Variants in GNAQ observed in about 807,000 individuals in gnomAD.
GNAQ encodes guanine nucleotide-binding protein G(q) subunit alpha.
In GNAQ, 8 loss-of-function variants were observed where a neutral mutation model predicts 43.9. That is an observed-to-expected ratio of 0.18 (90% CI 0.11 to 0.33). The LOEUF is 0.33. Among genes scored for constraint, GNAQ ranks in the 10% least tolerant of loss-of-function variants. GNAQ has a pLI of 1.00. For missense variants in GNAQ, 158 were observed against 450.8 expected, an observed-to-expected ratio of 0.35 and a Z score of 5.88; for synonymous variants, 155 against 170.7, an observed-to-expected ratio of 0.91 and a Z score of 0.71.
chr9:77,742,723 A>C (rs944572769), intron 5 of GNAQ, among the ~76,000 whole-genome samples: 26 of 152,218 alleles, frequency 1.7e-4, no homozygotes, highest in Non-Finnish European at 3.2e-4. Flanking sequence ...AACTAACAGA[A>C]ACATACAAAT....
intron 5 of GNAQ, among the ~76,000 whole-genome samples, chr9:77,789,968 A>T (rs1219403098): frequency 6.6e-6 from 1 of 152,186 alleles, no homozygotes; most frequent in East Asian, 1.9e-4. Context: ...GAAGAAAAAA[A>T]AGCCAAAGAA....
At chr9:77,761,834 G>T (rs1459611550) in intron 5 of GNAQ, among the ~76,000 whole-genome samples, 2 of 52,164 alleles carry the variant, frequency 3.8e-5, no homozygotes, top group Non-Finnish European at 4.7e-5. Flanking sequence ...CAGCCGCCCC[G>T]TCCGGGAGGG....
At chr9:77,905,808 T>A (rs1476211783) in intron 2 of GNAQ, among the ~76,000 whole-genome samples, 1 of 152,168 alleles carries the variant, frequency 6.6e-6, no homozygotes, top group Non-Finnish European at 1.5e-5. Context: ...GAAGCCATCA[T>A]CCTCAGCAAA....
chr9:77,968,587 T>G (rs375380895), intron 1 of GNAQ, among the ~76,000 whole-genome samples: 12 of 152,354 alleles, frequency 7.9e-5, no homozygotes, highest in African/African-American at 2.6e-4. Context: ...ATTCTATGTA[T>G]TGAATGTATT....
chr9:77,821,741 G>C (rs959560183), intron 2 of GNAQ, among the ~76,000 whole-genome samples: 1 of 151,740 alleles, frequency 6.6e-6, no homozygotes, highest in African/African-American at 2.4e-5. Flanking sequence ...GTGTGTGTGT[G>C]TGTGTGTGTG....
intron 5 of GNAQ, among the ~76,000 whole-genome samples, chr9:77,759,013 A>C (rs111410195): frequency 2.3e-3 from 345 of 152,356 alleles, no homozygotes; most frequent in African/African-American, 6.9e-3. Context: ...AGATAAGAAT[A>C]AACAAATGAA....
chr9:77,847,735 C>T (rs1273961315), intron 2 of GNAQ, among the ~76,000 whole-genome samples: 1 of 152,182 alleles, frequency 6.6e-6, no homozygotes, highest in African/African-American at 2.4e-5. Flanking sequence ...CAGGGCCTCC[C>T]TATGTGGTTG....
intron 2 of GNAQ, among the ~76,000 whole-genome samples, chr9:77,890,101 A>G (rs1828377265): frequency 6.6e-6 from 1 of 152,198 alleles, no homozygotes; most frequent in Non-Finnish European, 1.5e-5. Context: ...ATTAAAAATT[A>G]TTTTAAATGT....
intron 4 of GNAQ, 40 bp downstream of exon 4, chr9:77,797,480 A>C (rs189110490): frequency 6.5e-7 from 1 of 1,548,572 alleles, no homozygotes; most frequent in Non-Finnish European, 8.9e-7. Context: ...TACTCAAGGC[A>C]TAAAAGCTGG....
chr9:77,807,465 A>C (rs1238300980), intron 3 of GNAQ, among the ~76,000 whole-genome samples: 1 of 152,232 alleles, frequency 6.6e-6, no homozygotes, highest in African/African-American at 2.4e-5. Context: ...CCTTGCACTC[A>C]GAAGCCAAAT....
At chr9:77,797,267 A>C (rs2118453225) in intron 4 of GNAQ, among the ~76,000 whole-genome samples, 1 of 152,286 alleles carries the variant, frequency 6.6e-6, no homozygotes, top group East Asian at 1.9e-4. Context: ...TCCTGACTTC[A>C]GGTAATCCAT....
intron 2 of GNAQ, among the ~76,000 whole-genome samples, chr9:77,905,215 T>C (rs1164989063): frequency 1.3e-5 from 2 of 152,186 alleles, no homozygotes; most frequent in Non-Finnish European, 2.9e-5. Flanking sequence ...ATTCATAACA[T>C]TACCATTAAT....
chr9:77,979,034 G>C (rs1166005861), intron 1 of GNAQ, among the ~76,000 whole-genome samples: 1 of 151,992 alleles, frequency 6.6e-6, no homozygotes, highest in Non-Finnish European at 1.5e-5. Flanking sequence ...CAGCCTGAGT[G>C]ACAGAGTAAG....
intron 1 of GNAQ, among the ~76,000 whole-genome samples, chr9:78,000,459 G>C (rs1274387192): frequency 2.0e-5 from 3 of 152,176 alleles, no homozygotes; most frequent in African/African-American, 7.2e-5. Context: ...TGGTTTTTAT[G>C]TCAATTCAAG....
At chr9:77,911,470 T>C (rs1275806507) in intron 2 of GNAQ, among the ~76,000 whole-genome samples, 1 of 152,146 alleles carries the variant, frequency 6.6e-6, no homozygotes, top group Non-Finnish European at 1.5e-5. Flanking sequence ...TGAGTAATAA[T>C]TTTACATACC....
At chr9:77,838,827 G>C (rs1246212900) in intron 2 of GNAQ, among the ~76,000 whole-genome samples, 6 of 151,952 alleles carry the variant, frequency 3.9e-5, no homozygotes. Flanking sequence ...ATTAAAAAGA[G>C]AACCCTAACA....
At chr9:77,849,667 G>A (rs1304406157) in intron 2 of GNAQ, among the ~76,000 whole-genome samples, 1 of 152,026 alleles carries the variant, frequency 6.6e-6, no homozygotes, top group African/African-American at 2.4e-5. Context: ...CGAATCCAAG[G>A]GGCCCCTTTC....
chr9:77,755,922 A>C (rs556362698), intron 5 of GNAQ, among the ~76,000 whole-genome samples: 36 of 152,292 alleles, frequency 2.4e-4, no homozygotes, highest in African/African-American at 8.4e-4. Context: ...TGGTGTTGCC[A>C]AAGGAGATGA....
Position 77,755,065 on chromosome 9 carries a change from T to A in GNAQ, c.736-26398A>T, listed in dbSNP as rs140789769. Among the ~76,000 whole-genome samples the A allele has an allele frequency of 1.4e-3, 218 of 152,226 alleles. 2 individuals carry two copies. Among genetic ancestry groups the A allele is most frequent in the African/African-American group, 3.9e-3 (163 of 41,504 alleles). On this transcript the variant is annotated intron_variant, in intron 5 of 6. Transcript: ENST00000286548. ...TACTGTGCCTTAAAAAAGAATGAGA[T>A]CCTGTCATTTGCAACAACATGGATG...
Sources: gnomAD v4.1 joint callset for allele counts (sites outside exome capture counted in the v4.1 genomes callset) on GRCh38, gnomAD v4.1.1 for gene constraint, MANE v1.5 for transcripts, NCBI Gene and HGNC (gene_info 2026-07-23, HGNC 2026-07-21) for gene names.